CPVL: variants seen among roughly 807,000 people sequenced by gnomAD.
CPVL encodes probable serine carboxypeptidase CPVL.
In CPVL, 51 loss-of-function variants were observed where a neutral mutation model predicts 63.7. The ratio of observed to expected loss-of-function variants is 0.80; its 90% confidence interval spans 0.64 to 1.01. The LOEUF (loss-of-function observed/expected upper bound fraction) is 1.01. Ranked by LOEUF, CPVL falls within the 50% of genes least tolerant of loss-of-function variation. CPVL has a pLI of 0.00. For synonymous variants in CPVL, 195 were observed against 206.0 expected, an observed-to-expected ratio of 0.95 and a Z score of 0.46; for missense variants, 530 against 573.1, an observed-to-expected ratio of 0.92 and a Z score of 0.77.
At chr7:29,059,897 C>G (rs1441045103) in intron 11 of CPVL, among the ~76,000 whole-genome samples, 1 of 152,170 alleles carries the variant, frequency 6.6e-6, no homozygotes, top group Non-Finnish European at 1.5e-5. Context: ...TCATCTCTCT[C>G]TCTAATTTTG....
intron 12 of CPVL, among the ~76,000 whole-genome samples, chr7:29,002,136 A>T (rs1318504953): frequency 6.6e-6 from 1 of 152,218 alleles, no homozygotes; most frequent in Non-Finnish European, 1.5e-5. Context: ...AGATAAGAGA[A>T]TGAAAAGCTC....
intron 11 of CPVL, among the ~76,000 whole-genome samples, chr7:29,054,056 A>C (rs1790466197): frequency 6.6e-6 from 1 of 152,154 alleles, no homozygotes; most frequent in South Asian, 2.1e-4. Context: ...TAGGTAATAG[A>C]GCAAGATCCT....
rs74839571 is a variant in CPVL, at chr7:29,138,434, C to T, written c.-11+7995G>A. Among the ~76,000 whole-genome samples, 37 of 152,178 alleles carry T rather than the reference C, an allele frequency of 2.4e-4. No homozygotes were observed. The East Asian group carries it at 6.0e-3, about 25-fold the overall frequency. ...CAGCCTGGGCAAAAGAGCGAGACTA[C>T]GTCTCCAAATAATAATAATAAGAAG... On this transcript the variant is annotated intron_variant, in intron 1 of 12. Transcript: ENST00000265394.
At chr7:29,078,653 T>A (rs1361830791) in intron 7 of CPVL, among the ~76,000 whole-genome samples, 1 of 149,592 alleles carries the variant, frequency 6.7e-6, no homozygotes, top group Non-Finnish European at 1.5e-5. Context: ...TATGTCTCTA[T>A]GCTGCCTGCT....
intron 3 of CPVL, among the ~76,000 whole-genome samples, chr7:29,098,632 G>A (rs963453683): frequency 1.3e-5 from 2 of 152,270 alleles, no homozygotes; most frequent in East Asian, 1.9e-4. Context: ...GGGTCAGCGC[G>A]GTATTATATA....
rs973066390 is a variant in CPVL, at chr7:29,059,918, A to G, written c.1137+4143T>C. Among the ~76,000 whole-genome samples the G allele has an allele frequency of 5.9e-5, 9 of 152,078 alleles. No homozygotes were observed. In the South Asian group the frequency reaches 1.9e-3, roughly 31 times the overall value. ...CTCTCTCTAATTTTGGAGGGCAGCAATTTGCCCTGTGACCTCAGTTTCAAC... is the reference window on the plus strand; with the variant it reads ...CTCTCTCTAATTTTGGAGGGCAGCAGTTTGCCCTGTGACCTCAGTTTCAAC... On this transcript the variant is annotated intron_variant, in intron 11 of 12. Transcript: ENST00000265394.
chr7:29,159,388 T>C (rs993562673), intron 5 of CPVL, among the ~76,000 whole-genome samples: 1 of 152,208 alleles, frequency 6.6e-6, no homozygotes, highest in African/African-American at 2.4e-5. Flanking sequence ...GTGGGATGAA[T>C]TATTCTATAC....
At chr7:29,194,461 G>T (rs1279245581) in intron 1 of CPVL, 1 of 155,430 alleles carries the variant, frequency 6.4e-6, no homozygotes, top group Non-Finnish European at 1.4e-5. Flanking sequence ...GGAGAAGGGG[G>T]AGGTCGCTCT....
At chr7:29,047,185 G>C (rs1466275483) in intron 11 of CPVL, among the ~76,000 whole-genome samples, 1 of 152,154 alleles carries the variant, frequency 6.6e-6, no homozygotes, top group Non-Finnish European at 1.5e-5. Flanking sequence ...GCCTGATTAG[G>C]TGTTGTTAGA....
intron 1 of CPVL, among the ~76,000 whole-genome samples, chr7:29,125,290 T>G (rs2128647653): frequency 6.6e-6 from 1 of 152,222 alleles, no homozygotes; most frequent in South Asian, 2.1e-4. Context: ...AGAAAACTTT[T>G]ACCAAGGAGT....
chr7:29,124,242 T>C (rs1425029521), intron 1 of CPVL, among the ~76,000 whole-genome samples: 1 of 152,160 alleles, frequency 6.6e-6, no homozygotes, highest in African/African-American at 2.4e-5. Flanking sequence ...AACCTTATAC[T>C]AGACAGAGGA....
chr7:29,055,094 T>C lies in CPVL; in HGVS notation c.1137+8967A>G, dbSNP rs188813497. On this transcript the variant is annotated intron_variant, in intron 11 of 12. Coordinates refer to ENST00000265394, the MANE Select transcript of CPVL (RefSeq NM_031311.5). ...TATATCTGAAAGTGCCTTGGCTATC[T>C]TTCTCTCTTATATTTGTTTCTGTTT... Among the ~76,000 whole-genome samples the C allele has an allele frequency of 9.8e-5, 15 of 152,314 alleles. No homozygotes were observed. In the East Asian group the frequency reaches 2.5e-3, roughly 25 times the overall value.
intron 5 of CPVL, among the ~76,000 whole-genome samples, chr7:29,180,264 G>A (rs1480745849): frequency 1.3e-5 from 2 of 152,132 alleles, no homozygotes; most frequent in African/African-American, 2.4e-5. Flanking sequence ...GGTGGCTCAC[G>A]CCTGTAATCC....
chr7:29,054,091 C>CA (rs1197067133), intron 11 of CPVL, among the ~76,000 whole-genome samples: 13 of 151,916 alleles, frequency 8.6e-5, no homozygotes, highest in Non-Finnish European at 1.3e-4. Context: ...CAAAACAAAA[C>CA]AAACAAAATC....
chr7:29,000,281 C>T (rs1784482741), intron 12 of CPVL, among the ~76,000 whole-genome samples: 1 of 139,082 alleles, frequency 7.2e-6, no homozygotes, highest in African/African-American at 2.7e-5. Context: ...GGGAAGTTCA[C>T]AGTGGGCTTG....
intron 2 of CPVL, among the ~76,000 whole-genome samples, chr7:29,114,043 G>C (rs557613079): frequency 1.3e-5 from 2 of 152,142 alleles, no homozygotes; most frequent in Non-Finnish European, 2.9e-5. Context: ...GACGGTAGGT[G>C]GAGCCCTTAG....
Position 28,995,460 on chromosome 7 carries a change from C to T in CPVL, c.*312G>A, listed in dbSNP as rs998794884. On this transcript the variant is annotated 3_prime_UTR_variant, in exon 13 of 13. Coordinates refer to ENST00000265394, the MANE Select transcript of CPVL (RefSeq NM_031311.5). ...GTTACAACTGCACTTTTCACTTACT[C>T]TTAGAAGAAATTAAAACTTCCTATT... 6 of 241,830 alleles carry T rather than the reference C, an allele frequency of 2.5e-5. No homozygotes were observed. Among genetic ancestry groups the T allele is most frequent in the Non-Finnish European group, 4.7e-5 (6 of 127,684 alleles). 15.0% of individuals were successfully genotyped at this position (241,830 alleles called of 1,614,324 possible).
intron 1 of CPVL, chr7:29,191,977 G>C (rs1782944932): frequency 6.6e-6 from 1 of 152,190 alleles, no homozygotes; most frequent in Non-Finnish European, 1.5e-5. Context: ...AAGGATGATA[G>C]TGAATGATTA....
rs749932585 is a variant in CPVL, at chr7:29,072,357, CCT to C, written c.674_675del (p.Glu225GlyfsTer16). The C allele has an allele frequency of 1.2e-6, 2 of 1,613,936 alleles. No homozygotes were observed. The highest frequency in any genetic ancestry group is 2.7e-5 in the African/African-American group (2 of 74,914). On this transcript the variant is annotated frameshift_variant, in exon 8 of 13. Transcript: ENST00000265394. LOFTEE classifies it high-confidence loss of function. ...HLIHSLNPVREVKINLNGIAI... is the reference protein window; with the variant it reads ...HLIHSLNPVRXVKINLNGIAI... ...GCAATTCCGTTCAGGTTGATCTTCA[CCT>C]CTCTCACAGGGTTGAGGGAATGGAT...
Sources: gnomAD v4.1 joint callset for allele counts (sites outside exome capture counted in the v4.1 genomes callset) on GRCh38, gnomAD v4.1.1 for gene constraint, MANE v1.5 for transcripts, NCBI Gene and HGNC (gene_info 2026-07-23, HGNC 2026-07-21) for gene names.